Variants in PCDH11X observed in about 807,000 individuals in gnomAD.
The protein encoded by PCDH11X is protocadherin 11 X-linked.
Under a neutral mutation model 53.3 loss-of-function variants are expected in PCDH11X, and 18 were observed. The ratio of observed to expected loss-of-function variants is 0.34; its 90% CI spans 0.23 to 0.50. The LOEUF (loss-of-function observed/expected upper bound fraction) is 0.50, where lower values mean the gene tolerates loss of function less well. PCDH11X is among the 20% of genes least tolerant of loss of function. The probability of loss-of-function intolerance (pLI) is 0.98; values close to 1 mark genes in which losing one functional copy is unlikely to be tolerated. For missense variants in PCDH11X, 570 were observed against 1,032.4 expected (o/e 0.55, Z 6.14); for synonymous variants, 279 against 393.3 (o/e 0.71, Z 3.44).
intron 6 of PCDH11X, among the ~76,000 whole-genome samples, chrX:92,189,982 T>C (rs1342788130): frequency 1.8e-5 from 2 of 112,173 alleles, no homozygotes; most frequent in Admixed American, 1.9e-4. Context: ...GTCAGATAGA[T>C]TGCAAAAATA....
At chrX:92,450,861 G>A (rs923545802) in intron 9 of PCDH11X, among the ~76,000 whole-genome samples, 17 of 110,634 alleles carry the variant, frequency 1.5e-4, no homozygotes, top group Non-Finnish European at 2.6e-4. Context: ...GCATAAACTC[G>A]CTTTGGCTCA....
At chrX:92,461,613 A>C (rs1306470759) in intron 9 of PCDH11X, among the ~76,000 whole-genome samples, 2 of 112,169 alleles carry the variant, frequency 1.8e-5, no homozygotes, top group African/African-American at 6.5e-5. Flanking sequence ...TACTACAAGA[A>C]AACATTGGAG....
chrX:91,972,767 G>A (rs1360148114), intron 6 of PCDH11X, among the ~76,000 whole-genome samples: 19 of 109,741 alleles, frequency 1.7e-4, no homozygotes, highest in Admixed American at 1.1e-3. Context: ...GTAGATATGC[G>A]GCGTTATTTC....
intron 8 of PCDH11X, among the ~76,000 whole-genome samples, chrX:92,376,843 C>A (rs1380042558): frequency 9.0e-6 from 1 of 111,596 alleles, no homozygotes; most frequent in Non-Finnish European, 1.9e-5. Context: ...TAGCTAATGG[C>A]AGTTTTCAAA....
chrX:91,876,149 T>C (rs954576913), intron 5 of PCDH11X, among the ~76,000 whole-genome samples: 1 of 111,406 alleles, frequency 9.0e-6, no homozygotes, highest in African/African-American at 3.3e-5. Context: ...CACTGATATA[T>C]GGGTGCTAAG....
chrX:92,343,984 T>C (rs2069829271), intron 8 of PCDH11X, among the ~76,000 whole-genome samples: 1 of 110,505 alleles, frequency 9.0e-6, no homozygotes, highest in Admixed American at 9.7e-5. Context: ...CTTGCCCCTG[T>C]CTCCTAAGTT....
At chrX:92,596,376 G>T (rs920460165) in intron 10 of PCDH11X, among the ~76,000 whole-genome samples, 9 of 107,735 alleles carry the variant, frequency 8.4e-5, no homozygotes, top group African/African-American at 2.7e-4. Context: ...GCCAAAGGGG[G>T]ATTGAAACAA....
intron 10 of PCDH11X, among the ~76,000 whole-genome samples, chrX:92,595,096 T>C (rs1193274161): frequency 9.1e-6 from 1 of 110,331 alleles, no homozygotes; most frequent in Admixed American, 9.7e-5. Flanking sequence ...CTGGTTATTT[T>C]ACCATGGCAT....
chrX:92,077,117 G>A (rs1411531781), intron 6 of PCDH11X, among the ~76,000 whole-genome samples: 2 of 111,748 alleles, frequency 1.8e-5, no homozygotes, highest in Non-Finnish European at 3.8e-5. Context: ...TAGTTGCCAG[G>A]GAATAATGGT....
At position 92,319,975 on chromosome X, in the gene PCDH11X, A is replaced by G. The variant is rs2069163476; in HGVS notation, c.3144+56832A>G. The stretch of plus-strand genomic sequence containing the variant: ...TTCCTTTATCATTTTGCTGAGCATC[A>G]TGGTATAATTCTAATCAATGTTCAT... On this transcript the variant is annotated intron_variant, in intron 8 of 10. Transcript: ENST00000682573. Among the ~76,000 whole-genome samples, 12 of 111,333 alleles carry G rather than the reference A, an allele frequency of 1.1e-4. No individual in the cohort carries two copies. In the Admixed American group the frequency reaches 1.1e-3, roughly 11 times the overall value.
intron 1 of PCDH11X, among the ~76,000 whole-genome samples, chrX:91,806,229 A>C (rs772262297): frequency 1.8e-5 from 2 of 114,205 alleles, no homozygotes; most frequent in Non-Finnish European, 3.7e-5. Context: ...ATAAAAAAAA[A>C]TGAAAGTGAA....
At chrX:92,614,499 G>A (rs1927763900) in intron 10 of PCDH11X, among the ~76,000 whole-genome samples, 2 of 109,435 alleles carry the variant, frequency 1.8e-5, no homozygotes, top group Admixed American at 9.8e-5. Flanking sequence ...TGGTACTTAT[G>A]GGTGAGAGCT....
chrX:92,115,757 G>A (rs1426798412), intron 6 of PCDH11X, among the ~76,000 whole-genome samples: 1 of 110,010 alleles, frequency 9.1e-6, no homozygotes, highest in African/African-American at 3.3e-5. Flanking sequence ...TCAGCATGTC[G>A]GCTTATCCCA....
chrX:92,485,340 A>G (rs2073619550), intron 10 of PCDH11X, among the ~76,000 whole-genome samples: 2 of 110,793 alleles, frequency 1.8e-5, no homozygotes, highest in South Asian at 3.7e-4. Flanking sequence ...TCTATTTTGT[A>G]AAAATGTTCA....
intron 7 of PCDH11X, among the ~76,000 whole-genome samples, chrX:92,243,545 C>A (rs1405463749): frequency 1.8e-5 from 2 of 110,375 alleles, no homozygotes; most frequent in Non-Finnish European, 3.8e-5. Flanking sequence ...GTGATTCCTT[C>A]CATTTTATTC....
At chrX:92,412,550 T>TAG (rs2071709808) in intron 9 of PCDH11X, among the ~76,000 whole-genome samples, 4 of 69,336 alleles carry the variant, frequency 5.8e-5, no homozygotes, top group Non-Finnish European at 8.5e-5. Flanking sequence ...TATATATATA[T>TAG]ATATAGATAA....
chrX:92,068,313 C>T (rs2063647747), intron 6 of PCDH11X, among the ~76,000 whole-genome samples: 2 of 110,472 alleles, frequency 1.8e-5, no homozygotes, highest in Admixed American at 9.7e-5. Context: ...CAATCTCCCC[C>T]TTAGTACTGC....
At chrX:92,575,972 TGG>T (rs1922859406) in intron 10 of PCDH11X, among the ~76,000 whole-genome samples, 1 of 29,738 alleles carries the variant, frequency 3.4e-5, no homozygotes, top group Non-Finnish European at 5.6e-5. Context: ...CACACACACC[TGG>T]GGTGTATATA....
intron 6 of PCDH11X, among the ~76,000 whole-genome samples, chrX:92,128,756 TA>T (rs35709243): frequency 2.7e-5 from 3 of 110,152 alleles, no homozygotes; most frequent in African/African-American, 6.6e-5. Context: ...TTTTACAAAT[TA>T]AAAAAAATAA....
Sources: allele counts gnomAD v4.1 joint callset (sites outside exome capture counted in the v4.1 genomes callset), GRCh38; gene constraint gnomAD v4.1.1; transcripts MANE v1.5; gene names NCBI Gene and HGNC (gene_info 2026-07-23, HGNC 2026-07-21).